Variants in PRKN observed in about 807,000 individuals in gnomAD.
The protein encoded by PRKN is parkin RBR E3 ubiquitin protein ligase.
Under a neutral mutation model 59.5 loss-of-function variants are expected in PRKN, and 56 were observed. The ratio of observed to expected loss-of-function variants is 0.94; its 90% CI spans 0.76 to 1.18. PRKN has a LOEUF of 1.18. Ranked by LOEUF, PRKN falls within the 50% of genes most tolerant of loss-of-function variation. PRKN has a pLI of 0.00. For missense variants in PRKN, 657 were observed against 596.4 expected (o/e 1.10, Z -1.06); for synonymous variants, 250 against 222.1 (o/e 1.13, Z -1.12).
At chr6:162,021,471 T>A (rs373596720) in intron 5 of PRKN, among the ~76,000 whole-genome samples, 3 of 141,782 alleles carry the variant, frequency 2.1e-5, no homozygotes, top group African/African-American at 5.5e-5. Context: ...ATTTTTTTTT[T>A]TTTTTTCCTT....
At chr6:162,211,877 C>A (rs371046247) in intron 3 of PRKN, among the ~76,000 whole-genome samples, 8 of 152,098 alleles carry the variant, frequency 5.3e-5, no homozygotes, top group Admixed American at 2.6e-4. Context: ...AAAATCTCTA[C>A]TACCTCTTAA....
At chr6:162,609,794 A>C (rs1782071224) in intron 1 of PRKN, among the ~76,000 whole-genome samples, 1 of 152,224 alleles carries the variant, frequency 6.6e-6, no homozygotes, top group Non-Finnish European at 1.5e-5. Flanking sequence ...TCTTTGTGTA[A>C]TCTATTTCAC....
chr6:162,621,950 G>T (rs572246263), intron 1 of PRKN, among the ~76,000 whole-genome samples: 1 of 152,096 alleles, frequency 6.6e-6, no homozygotes, highest in East Asian at 1.9e-4. Context: ...AAGGAGCTGG[G>T]ACTACAGGTA....
chr6:162,650,143 T>C (rs1583981993), intron 1 of PRKN, among the ~76,000 whole-genome samples: 1 of 152,306 alleles, frequency 6.6e-6, no homozygotes, highest in Admixed American at 6.5e-5. Context: ...CACCAATATA[T>C]ACCGAAGTAG....
At chr6:161,426,644 TACACACACACAC>T (rs546537464) in intron 9 of PRKN, among the ~76,000 whole-genome samples, 2 of 31,046 alleles carry the variant, frequency 6.4e-5, no homozygotes, top group African/African-American at 1.7e-4. Context: ...AACTCCCCTT[TACACACACACAC>T]ACACACACAC....
intron 6 of PRKN, among the ~76,000 whole-genome samples, chr6:161,845,972 A>G (rs1295582709): frequency 3.9e-5 from 6 of 152,208 alleles, no homozygotes; most frequent in Non-Finnish European, 8.8e-5. Flanking sequence ...ATTGGAGGGA[A>G]AAGAGGAAAA....
chr6:162,125,929 C>T (rs1242461911), intron 4 of PRKN, among the ~76,000 whole-genome samples: 1 of 152,146 alleles, frequency 6.6e-6, no homozygotes, highest in Non-Finnish European at 1.5e-5. Flanking sequence ...ATATTACCTG[C>T]TACGAAGATC....
In PRKN at chr6:161,588,359, A is replaced by C. The variant is rs190309049; in HGVS notation, c.872-18943T>G. Reference sequence around the variant, plus strand: ...GGCGCCACTGCATTCCAGCCTGGGCAACAAGAGCGAAACTCTGTCCCCTCG... The same window carrying C: ...GGCGCCACTGCATTCCAGCCTGGGCCACAAGAGCGAAACTCTGTCCCCTCG... On this transcript the variant is annotated intron_variant, in intron 7 of 11. Coordinates refer to ENST00000366898, the MANE Select transcript of PRKN (RefSeq NM_004562.3). This position sits in a 1 kb window ranked among gnomAD's most constrained non-coding sequence, Gnocchi z 5.0. Among the ~76,000 whole-genome samples, 655 of 147,880 alleles carry C rather than the reference A, an allele frequency of 4.4e-3. 6 individuals carry two copies. Among genetic ancestry groups the C allele is most frequent in the African/African-American group, 0.016 (628 of 39,036 alleles).
At chr6:162,503,136 C>CTTTTT (rs10629175) in intron 1 of PRKN, among the ~76,000 whole-genome samples, 1,026 of 80,748 alleles carry the variant, frequency 0.013, 21 homozygotes, top group African/African-American at 0.033. Flanking sequence ...GTCTTCATTT[C>CTTTTT]TTTTTTTTTT....
At chr6:162,355,263 A>ATCTAGAACATAATTATGT (rs1470310952) in intron 2 of PRKN, among the ~76,000 whole-genome samples, 3 of 150,956 alleles carry the variant, frequency 2.0e-5, no homozygotes, top group African/African-American at 7.4e-5. Context: ...TATGTTTTAG[A>ATCTAGAACATAATTATGT]TCTAGAACAT....
chr6:162,300,090 G>T (rs1458862865), intron 2 of PRKN, among the ~76,000 whole-genome samples: 4 of 152,040 alleles, frequency 2.6e-5, no homozygotes, highest in African/African-American at 9.7e-5. Flanking sequence ...AATCAGAGCA[G>T]TAGCTGCAAA....
chr6:162,453,042 G>A (rs921937423), intron 1 of PRKN, among the ~76,000 whole-genome samples: 7 of 152,126 alleles, frequency 4.6e-5, no homozygotes, highest in Non-Finnish European at 8.8e-5. Context: ...AAGGTGGATC[G>A]CAAGGCTCAA....
rs888341335 is a variant in PRKN at position 161,356,772 on chromosome 6, T to C, written c.1285+3316A>G. 5.9e-5 allele frequency among the ~76,000 whole-genome samples: 9 copies of C among 152,124 alleles called. No homozygotes were observed. Among genetic ancestry groups the C allele is most frequent in the African/African-American group, 2.2e-4 (9 of 41,408 alleles). On this transcript the variant is annotated intron_variant, in intron 11 of 11. Coordinates refer to ENST00000366898, the MANE Select transcript of PRKN (RefSeq NM_004562.3). This position sits in a 1 kb window ranked among gnomAD's most constrained non-coding sequence, Gnocchi z 7.8. ...TTTCTAGGAGCAGCTAGCACTCTGC[T>C]TTGTGAAATTTGAGCTGTCCATTGA...
At chr6:162,252,481 A>G (rs891304573) in intron 3 of PRKN, among the ~76,000 whole-genome samples, 6 of 152,204 alleles carry the variant, frequency 3.9e-5, no homozygotes, top group African/African-American at 1.2e-4. Flanking sequence ...TCTGTCCCCA[A>G]ATAATTCAGA....
chr6:162,096,848 A>ATTTTTTTTTTTTTTTTTTT (rs71004079), intron 4 of PRKN, among the ~76,000 whole-genome samples: 1 of 49,180 alleles, frequency 2.0e-5, no homozygotes, highest in African/African-American at 8.9e-5. Flanking sequence ...TACAGCTGGA[A>ATTTTTTTTTTTTTTTTTTT]TTTTTTTTTT....
intron 4 of PRKN, among the ~76,000 whole-genome samples, chr6:162,154,980 A>AC (rs1315765635): frequency 3.0e-4 from 45 of 151,570 alleles, no homozygotes; most frequent in African/African-American, 1.1e-3. Flanking sequence ...AAAAAAAAAA[A>AC]CAAAAAAATT....
intron 6 of PRKN, among the ~76,000 whole-genome samples, chr6:161,911,585 T>A (rs1778363041): frequency 6.6e-6 from 1 of 152,064 alleles, no homozygotes; most frequent in South Asian, 2.1e-4. Context: ...CTAAAAACAT[T>A]GCAAAAAAAT....
At chr6:162,236,553 A>T (rs1239143877) in intron 3 of PRKN, among the ~76,000 whole-genome samples, 2 of 151,982 alleles carry the variant, frequency 1.3e-5, no homozygotes, top group African/African-American at 4.8e-5. Flanking sequence ...TGGGAGGCCG[A>T]GATGGGCCGA....
At chr6:162,603,153 T>C (rs1338475922) in intron 1 of PRKN, among the ~76,000 whole-genome samples, 1 of 152,192 alleles carries the variant, frequency 6.6e-6, no homozygotes, top group Non-Finnish European at 1.5e-5. Context: ...TCTGAGTATA[T>C]TACTGTTGAG....
Sources: allele counts gnomAD v4.1 joint callset (sites outside exome capture counted in the v4.1 genomes callset), GRCh38; gene constraint gnomAD v4.1.1; non-coding constraint Gnocchi (gnomAD v3.1); transcripts MANE v1.5; gene names NCBI Gene and HGNC (gene_info 2026-07-23, HGNC 2026-07-21).